The following ITSN1 variants were observed in gnomAD, a reference collection of about 807,000 sequenced individuals.
The protein encoded by ITSN1 is intersectin-1.
A neutral mutation model predicts 239.8 loss-of-function variants in ITSN1; 58 were observed. The ratio of observed to expected loss-of-function variants is 0.24; its 90% CI spans 0.20 to 0.30. The LOEUF is 0.30. ITSN1 is among the 10% of genes least tolerant of loss of function. The probability of loss-of-function intolerance (pLI) is 1.00; values close to 1 mark genes in which losing one functional copy is unlikely to be tolerated. For synonymous variants in ITSN1, 780 were observed against 770.8 expected (o/e 1.01, Z -0.20); for missense variants, 1,558 against 2,103.3 (o/e 0.74, Z 5.07).
At chr21:33,694,206 A>T (rs979714227) in intron 1 of ITSN1, among the ~76,000 whole-genome samples, 1 of 151,992 alleles carries the variant, frequency 6.6e-6, no homozygotes, top group Non-Finnish European at 1.5e-5. Flanking sequence ...TTTGTTACTT[A>T]TTTATTTATT....
At chr21:33,720,240 C>T (rs878997149) in intron 2 of ITSN1, among the ~76,000 whole-genome samples, 1 of 152,216 alleles carries the variant, frequency 6.6e-6, no homozygotes, top group African/African-American at 2.4e-5. Flanking sequence ...TGGATTTTTA[C>T]TTTATCTGTC....
At chr21:33,840,572 G>A (rs1465361073) in intron 29 of ITSN1, among the ~76,000 whole-genome samples, 1 of 152,098 alleles carries the variant, frequency 6.6e-6, no homozygotes, top group East Asian at 1.9e-4. Context: ...ATGTTGGCCA[G>A]GCTGGTCTCC....
chr21:33,772,286 G>A lies in ITSN1; in HGVS notation c.1268G>A (p.Arg423Lys). The change falls in exon 12 of 40, where the codon AGA becomes AAA. Residue 423 changes from arginine (R) to lysine (K), a missense_variant. This residue lies in a region of ITSN1 where 982 missense variants were observed against 1,209.9 expected (regional missense o/e 0.81). Transcript: ENST00000381318. ...AAGCAGCGGGAGCTAGAACGGCAGA[G>A]AGAGGAGGAGAGGAGGAAAGAAATT... ...LEKQRELERQ[R>K]EEERRKEIER... 6.4e-7 allele frequency: 1 copy of A among 1,559,662 alleles called. No individual in the cohort carries two copies. The highest frequency in any genetic ancestry group is 2.4e-5 in the East Asian group (1 of 41,640).
intron 14 of ITSN1, among the ~76,000 whole-genome samples, chr21:33,778,476 C>T (rs1049845267): frequency 6.7e-6 from 1 of 148,686 alleles, no homozygotes; most frequent in Non-Finnish European, 1.5e-5. Context: ...TGATTTTCTT[C>T]TTCTCCTTGA....
intron 5 of ITSN1, among the ~76,000 whole-genome samples, chr21:33,747,286 T>G (rs1478066159): frequency 6.6e-6 from 1 of 152,046 alleles, no homozygotes; most frequent in African/African-American, 2.4e-5. Flanking sequence ...TTATTCAATC[T>G]GAAGAATATG....
chr21:33,840,989 G>A (rs906559347), intron 29 of ITSN1, among the ~76,000 whole-genome samples: 1 of 152,036 alleles, frequency 6.6e-6, no homozygotes, highest in African/African-American at 2.4e-5. Flanking sequence ...CCACACTGCA[G>A]AGCAGGCCTG....
At chr21:33,869,028 T>G (rs952275622) in intron 33 of ITSN1, among the ~76,000 whole-genome samples, 1 of 152,140 alleles carries the variant, frequency 6.6e-6, no homozygotes, top group African/African-American at 2.4e-5. Context: ...GGTCTGTGCC[T>G]TTCTCCCTTG....
chr21:33,854,146 A>G (rs1978867971), intron 29 of ITSN1, among the ~76,000 whole-genome samples: 1 of 152,226 alleles, frequency 6.6e-6, no homozygotes, highest in Non-Finnish European at 1.5e-5. Flanking sequence ...CATTGTACAC[A>G]TGTATTCGCT....
At chr21:33,818,706 A>G (rs1005649451) in intron 23 of ITSN1, among the ~76,000 whole-genome samples, 8 of 152,202 alleles carry the variant, frequency 5.3e-5, no homozygotes, top group African/African-American at 1.9e-4. Context: ...CTTATGCAAG[A>G]AGGAATTCAG....
At chr21:33,837,270 C>T in intron 29 of ITSN1, 1 of 1,209,894 alleles carries the variant, frequency 8.3e-7, no homozygotes, top group Non-Finnish European at 1.0e-6. Flanking sequence ...TTCCTAGTTA[C>T]TCAAATTGAC....
chr21:33,853,168 T>C (rs9975595), intron 29 of ITSN1, among the ~76,000 whole-genome samples: 5,913 of 152,196 alleles, frequency 0.039, 355 homozygotes, highest in African/African-American at 0.13. Flanking sequence ...CCCACAAAAC[T>C]TTTGCTTTTC....
At chr21:33,808,267 C>T (rs2072621924) in intron 20 of ITSN1, among the ~76,000 whole-genome samples, 1 of 151,058 alleles carries the variant, frequency 6.6e-6, no homozygotes, top group African/African-American at 2.4e-5. Flanking sequence ...AACATCAGAG[C>T]TGGACAGCAG....
intron 1 of ITSN1, among the ~76,000 whole-genome samples, chr21:33,705,364 CAAAAATT>C (rs1489827746): frequency 2.6e-5 from 4 of 152,026 alleles, no homozygotes; most frequent in African/African-American, 9.7e-5. Flanking sequence ...TGCTCTGACT[CAAAAATT>C]AAAACCTACA....
chr21:33,819,139 TAA>T (rs1265997625), intron 23 of ITSN1, 100 bp from the exon 24 acceptor site: 1 of 844,208 alleles, frequency 1.2e-6, no homozygotes, highest in Non-Finnish European at 1.9e-6. Context: ...GTGGGTCGTT[TAA>T]AGTTTTAAAA....
intron 31 of ITSN1, among the ~76,000 whole-genome samples, chr21:33,863,704 T>C (rs773733948): frequency 6.6e-6 from 1 of 152,228 alleles, no homozygotes; most frequent in African/African-American, 2.4e-5. Context: ...CTACTCCTCA[T>C]AGGAAAATGA....
At chr21:33,704,895 T>C (rs2092175944) in intron 1 of ITSN1, among the ~76,000 whole-genome samples, 1 of 137,018 alleles carries the variant, frequency 7.3e-6, no homozygotes, top group African/African-American at 2.8e-5. Flanking sequence ...GAGACCATCC[T>C]GGCTAACATG....
intron 5 of ITSN1, among the ~76,000 whole-genome samples, chr21:33,739,676 G>C (rs1479126712): frequency 1.3e-5 from 2 of 152,182 alleles, no homozygotes; most frequent in Non-Finnish European, 2.9e-5. Context: ...TGAGAGCCAT[G>C]TGAAGACCTA....
intron 29 of ITSN1, among the ~76,000 whole-genome samples, chr21:33,843,789 G>A (rs983086466): frequency 1.3e-5 from 2 of 152,220 alleles, no homozygotes; most frequent in Non-Finnish European, 2.9e-5. Flanking sequence ...TACTAGTGGT[G>A]TGATCTTGGG....
chr21:33,686,339 A>G (rs1181775937), intron 1 of ITSN1, among the ~76,000 whole-genome samples: 1 of 151,986 alleles, frequency 6.6e-6, no homozygotes, highest in Non-Finnish European at 1.5e-5. Context: ...TGTTTTTGTC[A>G]CTAGAAATAT....
Sources: gnomAD v4.1 joint callset for allele counts (sites outside exome capture counted in the v4.1 genomes callset) on GRCh38, gnomAD v4.1.1 for gene constraint, gnomAD v4.1.1 regional missense constraint, MANE v1.5 for transcripts, NCBI Gene and HGNC (gene_info 2026-07-23, HGNC 2026-07-21) for gene names.